The following GARRE1 variants were observed in gnomAD, a reference collection of about 807,000 sequenced individuals.
The protein encoded by GARRE1 is granule associated Rac and RHOG effector 1, also known as granule associated Rac and RHOG effector protein 1.
In GARRE1, 49 loss-of-function variants were observed where a neutral mutation model predicts 103.2. The observed-to-expected ratio is 0.47, with a 90% CI of 0.38 to 0.60. The LOEUF (loss-of-function observed/expected upper bound fraction) is 0.60. Among genes scored for constraint, GARRE1 ranks in the 20% least tolerant of loss-of-function variants. GARRE1 has a pLI of 0.00. For synonymous variants in GARRE1, 505 were observed against 532.8 expected, an observed-to-expected ratio of 0.95 and a Z score of 0.72; for missense variants, 1,199 against 1,370.5, an observed-to-expected ratio of 0.87 and a Z score of 1.98.
chr19:34,303,940 A>C (rs1043251091), intron 2 of GARRE1, among the ~76,000 whole-genome samples: 1 of 151,976 alleles, frequency 6.6e-6, no homozygotes, highest in South Asian at 2.1e-4. Context: ...TATTTTTTAC[A>C]ATCCTTTAAA....
chr19:34,307,801 A>ATATAT (rs1233249036), intron 2 of GARRE1, among the ~76,000 whole-genome samples: 25 of 126,620 alleles, frequency 2.0e-4, no homozygotes, highest in South Asian at 9.7e-4. Flanking sequence ...ATAAAAAAAA[A>ATATAT]ATATATATAT....
chr19:34,350,308 G>A (rs564145080), intron 12 of GARRE1, among the ~76,000 whole-genome samples: 25 of 152,264 alleles, frequency 1.6e-4, no homozygotes, highest in African/African-American at 4.8e-4. Flanking sequence ...TCTGTGAAGG[G>A]CGCCATGAAC....
intron 2 of GARRE1, among the ~76,000 whole-genome samples, chr19:34,307,995 G>GT (rs2074018665): frequency 6.6e-6 from 1 of 150,748 alleles, no homozygotes; most frequent in South Asian, 2.1e-4. Flanking sequence ...TTGGCTTTCA[G>GT]TTTGACACAA....
chr19:34,342,857 C>A (rs1285994977), intron 10 of GARRE1, among the ~76,000 whole-genome samples: 1 of 150,866 alleles, frequency 6.6e-6, no homozygotes, highest in African/African-American at 2.4e-5. Flanking sequence ...TTTGCCTAAA[C>A]TCTAGGACCT....
intron 2 of GARRE1, among the ~76,000 whole-genome samples, chr19:34,309,085 A>C (rs554379995): frequency 3.3e-5 from 5 of 152,076 alleles, no homozygotes; most frequent in Non-Finnish European, 5.9e-5. Flanking sequence ...TTTAAAAAAA[A>C]AAACAAACCC....
intron 13 of GARRE1, among the ~76,000 whole-genome samples, chr19:34,352,364 T>C (rs931212974): frequency 6.7e-5 from 10 of 149,016 alleles, no homozygotes; most frequent in African/African-American, 2.5e-4. Context: ...ATCGTACCAC[T>C]GCACTCCAGC....
At chr19:34,352,341 G>A (rs577321406) in intron 13 of GARRE1, among the ~76,000 whole-genome samples, 21 of 148,976 alleles carry the variant, frequency 1.4e-4, no homozygotes, top group Non-Finnish European at 2.8e-4. Flanking sequence ...GGCAGAGGTT[G>A]CAGTGAGCCG....
At chr19:34,324,501 C>G (rs990259311) in intron 3 of GARRE1, among the ~76,000 whole-genome samples, 1 of 148,824 alleles carries the variant, frequency 6.7e-6, no homozygotes, top group Non-Finnish European at 1.5e-5. Flanking sequence ...ATCACCAGTG[C>G]ACTTTTTTTT....
At position 34,354,857 on chromosome 19, in the gene GARRE1, T is replaced by C. The variant is rs950980025; in HGVS notation, c.*1902T>C. On this transcript the variant is annotated 3_prime_UTR_variant, in exon 14 of 14. Transcript: ENST00000299505. ...CTGTGTGGGGATGCATTGCTGCCTGTATTTATGATCTTTTGCCGTGGTTCT... is the reference window on the plus strand; with the variant it reads ...CTGTGTGGGGATGCATTGCTGCCTGCATTTATGATCTTTTGCCGTGGTTCT... 1 of 152,614 alleles carries C rather than the reference T, an allele frequency of 6.6e-6. No individual in the cohort carries two copies. Among genetic ancestry groups the C allele is most frequent in the Non-Finnish European group, 1.5e-5 (1 of 68,034 alleles). The allele number at this position is 152,614 out of a possible 1,614,324, so 9.5% of individuals were successfully genotyped here.
At chr19:34,278,067 A>G (rs1010868013) in intron 1 of GARRE1, among the ~76,000 whole-genome samples, 2 of 152,098 alleles carry the variant, frequency 1.3e-5, no homozygotes, top group African/African-American at 2.4e-5. Context: ...CATTTTTATT[A>G]TACATTTCAG....
rs1473354724 is a variant in GARRE1 at position 34,300,289 on chromosome 19, T to C, written c.-185T>C. On this transcript the variant is annotated 5_prime_UTR_variant, in exon 2 of 14. Coordinates refer to ENST00000299505, the MANE Select transcript of GARRE1 (RefSeq NM_014686.5). ...GAGATCCTGTCTACACTGAAAATATTAATTATATAAACCTGTTGTCTCTCA... is the reference window on the plus strand; with the variant it reads ...GAGATCCTGTCTACACTGAAAATATCAATTATATAAACCTGTTGTCTCTCA... The C allele has an allele frequency of 1.9e-6, 1 of 519,024 alleles. No individual in the cohort carries two copies. Among genetic ancestry groups the C allele is most frequent in the African/African-American group, 1.9e-5 (1 of 52,758 alleles). 32.2% of individuals were successfully genotyped at this position (519,024 alleles called of 1,614,324 possible).
intron 2 of GARRE1, among the ~76,000 whole-genome samples, chr19:34,308,187 C>G (rs1479423441): frequency 7.2e-6 from 1 of 139,116 alleles, no homozygotes; most frequent in Non-Finnish European, 1.5e-5. Context: ...AAGCTGGTTT[C>G]AAAAATACGA....
intron 8 of GARRE1, 34 bp from the exon 9 acceptor site, chr19:34,339,833 C>T (rs1381377496): frequency 2.5e-6 from 4 of 1,612,938 alleles, no homozygotes; most frequent in Non-Finnish European, 3.4e-6. Context: ...CAGAGAAATG[C>T]AGCCAAGACT....
intron 5 of GARRE1, 23 bp from the exon 6 acceptor site, chr19:34,327,967 T>C (rs1370606166): frequency 3.1e-6 from 5 of 1,614,130 alleles, no homozygotes; most frequent in Non-Finnish European, 4.2e-6. Flanking sequence ...TCACCTCTCC[T>C]CTTCCATCCA....
At chr19:34,280,273 C>T (rs2145221556) in intron 1 of GARRE1, among the ~76,000 whole-genome samples, 1 of 152,290 alleles carries the variant, frequency 6.6e-6, no homozygotes, top group East Asian at 1.9e-4. Context: ...AATTACTATT[C>T]AACATGAGAT....
chr19:34,348,934 G>A, intron 11 of GARRE1, 82 bp from the exon 12 acceptor site: 2 of 1,536,188 alleles, frequency 1.3e-6, no homozygotes, highest in Non-Finnish European at 8.9e-7. Context: ...TGAATGCAGG[G>A]TAAGGACTGC....
chr19:34,271,776 A>G (rs566681965), intron 1 of GARRE1, among the ~76,000 whole-genome samples: 29 of 151,960 alleles, frequency 1.9e-4, no homozygotes, highest in Non-Finnish European at 1.3e-4. Flanking sequence ...TCAAAGCTGC[A>G]GTGAGCTATG....
At chr19:34,347,851 C>T (rs545906417) in intron 10 of GARRE1, 26 bp from the exon 11 acceptor site, 43 of 1,487,856 alleles carry the variant, frequency 2.9e-5, no homozygotes, top group South Asian at 1.6e-4. Flanking sequence ...TCCCCAAACC[C>T]GGTTTATTCC....
rs140551420 is a variant in GARRE1 at position 34,300,876 on chromosome 19, A to G, written c.403A>G (p.Ile135Val). The change falls in exon 2 of 14, where the codon ATA becomes GTA. Residue 135 changes from isoleucine (I) to valine (V), a missense_variant. Ile to Val is a conservative substitution (Grantham distance 29, BLOSUM62 3). Coordinates refer to ENST00000299505, the MANE Select transcript of GARRE1 (RefSeq NM_014686.5). ...AGCAGCCAGTCGGCTGACCTCGGCC[A>G]TAAAGCCTGAGATCGCCAAGATGCT... is the stretch of plus-strand genomic sequence containing the variant. ...MEAASRLTSAIKPEIAKMLME... is the reference protein window; with the variant it reads ...MEAASRLTSAVKPEIAKMLME... 4 of 1,612,712 alleles carry G rather than the reference A, an allele frequency of 2.5e-6. No individual in the cohort carries two copies. The highest frequency in any genetic ancestry group is 2.7e-5 in the African/African-American group (2 of 74,948).
Sources: gnomAD v4.1 joint callset for allele counts (sites outside exome capture counted in the v4.1 genomes callset) on GRCh38, gnomAD v4.1.1 for gene constraint, MANE v1.5 for transcripts, NCBI Gene and HGNC (gene_info 2026-07-23, HGNC 2026-07-21) for gene names.